NLGN1: variants seen among roughly 807,000 people sequenced by gnomAD.
The protein encoded by NLGN1 is neuroligin 1, also known as neuroligin-1.
Under a neutral mutation model 65.5 loss-of-function variants are expected in NLGN1, and 12 were observed. That is an observed-to-expected ratio of 0.18 (90% confidence interval 0.12 to 0.30). The LOEUF is 0.30. Ranked by LOEUF, NLGN1 falls within the 10% of genes least tolerant of loss-of-function variation. The probability of loss-of-function intolerance (pLI) is 1.00; values close to 1 mark genes in which losing one functional copy is unlikely to be tolerated. For synonymous variants in NLGN1, 350 were observed against 359.5 expected (o/e 0.97, Z 0.30); for missense variants, 750 against 1,007.1 (o/e 0.74, Z 3.46).
intron 3 of NLGN1, among the ~76,000 whole-genome samples, chr3:173,748,613 A>G (rs1310506183): frequency 3.3e-5 from 5 of 152,182 alleles, no homozygotes; most frequent in African/African-American, 1.2e-4. Context: ...TTATCACAAC[A>G]TCCAGATGTA....
intron 3 of NLGN1, among the ~76,000 whole-genome samples, chr3:173,643,248 A>G (rs148465176): frequency 9.2e-5 from 14 of 152,354 alleles, no homozygotes; most frequent in Admixed American, 9.1e-4. Flanking sequence ...AGAAAGGGTT[A>G]CAGAAAATAT....
rs956709981 is a variant in NLGN1, at chr3:173,491,166, T to A, written c.-321+56088T>A. The stretch of plus-strand genomic sequence containing the variant: ...AGTGGTGAGAGAGGGCATCCCTGTC[T>A]TGTGCCAGTTTTCAAAGGGAATACT... On this transcript the variant is annotated intron_variant, in intron 2 of 6. Coordinates refer to ENST00000457714, the Ensembl canonical transcript of NLGN1. Among the ~76,000 whole-genome samples the A allele has an allele frequency of 1.5e-4, 23 of 152,004 alleles. No individual in the cohort carries two copies. In the South Asian group the frequency reaches 2.9e-3, roughly 19 times the overall value.
At chr3:174,014,342 A>G (rs1560843503) in intron 4 of NLGN1, among the ~76,000 whole-genome samples, 1 of 152,194 alleles carries the variant, frequency 6.6e-6, no homozygotes, top group Non-Finnish European at 1.5e-5. Flanking sequence ...TTTTTACTTT[A>G]TTGTGCCAAC....
intron 1 of NLGN1, among the ~76,000 whole-genome samples, chr3:173,424,134 G>A (rs1715655942): frequency 6.6e-6 from 1 of 152,118 alleles, no homozygotes; most frequent in Non-Finnish European, 1.5e-5. Context: ...GCCCCTTTTA[G>A]CCACAGCTGG....
At chr3:173,726,593 A>G (rs749231264) in intron 3 of NLGN1, among the ~76,000 whole-genome samples, 17 of 152,148 alleles carry the variant, frequency 1.1e-4, no homozygotes, top group Non-Finnish European at 2.1e-4. Flanking sequence ...AATGTTATAA[A>G]TGGCTTGTGG....
At chr3:173,460,817 G>A (rs1469503061) in intron 2 of NLGN1, among the ~76,000 whole-genome samples, 1 of 152,072 alleles carries the variant, frequency 6.6e-6, no homozygotes, top group Non-Finnish European at 1.5e-5. Context: ...TAAACCATAG[G>A]GAATAAGCAT....
At chr3:173,887,121 G>A (rs1734487425) in intron 4 of NLGN1, among the ~76,000 whole-genome samples, 1 of 151,980 alleles carries the variant, frequency 6.6e-6, no homozygotes, top group African/African-American at 2.4e-5. Context: ...TGGAAACAAA[G>A]TGCATTTCTT....
intron 3 of NLGN1, among the ~76,000 whole-genome samples, chr3:173,696,318 G>A (rs1187433779): frequency 6.6e-6 from 1 of 152,118 alleles, no homozygotes; most frequent in East Asian, 1.9e-4. Flanking sequence ...TGACTCCAAT[G>A]TCTACCTTAG....
intron 1 of NLGN1, among the ~76,000 whole-genome samples, chr3:173,408,780 C>T (rs886313268): frequency 4.1e-4 from 63 of 151,956 alleles, no homozygotes; most frequent in African/African-American, 1.3e-3. Context: ...GGCGTGGTGG[C>T]GGGTGCCTGT....
At chr3:173,706,818 C>T (rs796229000) in intron 3 of NLGN1, among the ~76,000 whole-genome samples, 25 of 152,354 alleles carry the variant, frequency 1.6e-4, no homozygotes, top group African/African-American at 4.6e-4. Flanking sequence ...CGCACACACA[C>T]GCCCACGCGT....
At chr3:173,519,847 G>A (rs1577077242) in intron 2 of NLGN1, among the ~76,000 whole-genome samples, 1 of 152,084 alleles carries the variant, frequency 6.6e-6, no homozygotes, top group Admixed American at 6.5e-5. Context: ...GTATTTTGCA[G>A]TGTGAGGACA....
intron 2 of NLGN1, among the ~76,000 whole-genome samples, chr3:173,456,516 T>A (rs1402307117): frequency 1.3e-5 from 2 of 152,188 alleles, no homozygotes; most frequent in Non-Finnish European, 2.9e-5. Context: ...ATAAGTGTAA[T>A]GTGTTTAGAA....
At chr3:173,793,511 GC>G (rs1412063737) in intron 3 of NLGN1, among the ~76,000 whole-genome samples, 2 of 152,042 alleles carry the variant, frequency 1.3e-5, no homozygotes, top group Non-Finnish European at 2.9e-5. Flanking sequence ...AGAAATTGTT[GC>G]AGAATATTGT....
chr3:173,413,884 G>A (rs902952302), intron 1 of NLGN1, among the ~76,000 whole-genome samples: 9 of 152,152 alleles, frequency 5.9e-5, no homozygotes, highest in Non-Finnish European at 1.2e-4. Flanking sequence ...AAGAAAGGAA[G>A]CAGCAGTGGT....
intron 4 of NLGN1, among the ~76,000 whole-genome samples, chr3:174,195,983 C>T (rs1039325142): frequency 4.6e-5 from 7 of 152,074 alleles, no homozygotes; most frequent in Non-Finnish European, 2.9e-5. Context: ...CCTTAATGCT[C>T]TGTCAAGATT....
chr3:173,986,674 T>C (rs991993681), intron 4 of NLGN1, among the ~76,000 whole-genome samples: 1 of 152,198 alleles, frequency 6.6e-6, no homozygotes, highest in African/African-American at 2.4e-5. Context: ...GGCTGCCCGC[T>C]TCAGGTGCTT....
intron 3 of NLGN1, among the ~76,000 whole-genome samples, chr3:173,620,714 G>T (rs1753857004): frequency 6.6e-6 from 1 of 151,994 alleles, no homozygotes; most frequent in African/African-American, 2.4e-5. Context: ...TTGGGAGAGA[G>T]ATAAGTATGT....
intron 2 of NLGN1, among the ~76,000 whole-genome samples, chr3:173,454,484 C>T (rs1722182779): frequency 6.6e-6 from 1 of 152,200 alleles, no homozygotes; most frequent in Non-Finnish European, 1.5e-5. Flanking sequence ...TTACTGTAGC[C>T]ACCTTCATCA....
At chr3:173,956,686 A>G (rs1560720089) in intron 4 of NLGN1, among the ~76,000 whole-genome samples, 2 of 152,116 alleles carry the variant, frequency 1.3e-5, no homozygotes, top group African/African-American at 4.8e-5. Flanking sequence ...GCTTTTATGT[A>G]TGGATATGAT....
Sources: gnomAD v4.1 joint callset for allele counts (sites outside exome capture counted in the v4.1 genomes callset) on GRCh38, gnomAD v4.1.1 for gene constraint, MANE v1.5 for transcripts, NCBI Gene and HGNC (gene_info 2026-07-23, HGNC 2026-07-21) for gene names.